Variants in TECPR2 observed in about 807,000 individuals in gnomAD.
The protein encoded by TECPR2 is tectonin beta-propeller repeat containing 2, also known as tectonin beta-propeller repeat-containing protein 2.
Under a neutral mutation model 138.1 loss-of-function variants are expected in TECPR2, and 65 were observed. The ratio of observed to expected loss-of-function variants is 0.47; its 90% CI spans 0.39 to 0.58. The LOEUF (loss-of-function observed/expected upper bound fraction) is 0.58, where lower values mean the gene tolerates loss of function less well. TECPR2 is among the 20% of genes least tolerant of loss of function. The pLI is 0.00. For missense variants in TECPR2, 1,553 were observed against 1,824.5 expected (o/e 0.85, Z 2.71); for synonymous variants, 746 against 749.8 (o/e 0.99, Z 0.08).
At chr14:102,495,536 A>G (rs1891256941) in intron 17 of TECPR2, among the ~76,000 whole-genome samples, 1 of 151,880 alleles carries the variant, frequency 6.6e-6, no homozygotes, top group African/African-American at 2.4e-5. Flanking sequence ...GCCTGTGATC[A>G]CTCTGCAAAG....
intron 11 of TECPR2, among the ~76,000 whole-genome samples, chr14:102,442,897 T>C (rs190087999): frequency 3.8e-4 from 58 of 152,326 alleles, no homozygotes; most frequent in Admixed American, 3.3e-3. Context: ...TTAGACATAC[T>C]TTATTGACAG....
At chr14:102,469,854 A>C (rs1428860171) in intron 17 of TECPR2, among the ~76,000 whole-genome samples, 1 of 152,176 alleles carries the variant, frequency 6.6e-6, no homozygotes, top group African/African-American at 2.4e-5. Flanking sequence ...TGAGATGGTC[A>C]TCTGGTTTTT....
In TECPR2 at chr14:102,498,134, C is replaced by A; in HGVS notation, c.4113C>A (p.Gly1371=). 6.2e-7 allele frequency: 1 copy of A among 1,613,376 alleles called. No homozygotes were observed. ...VTASDELWAV[G]PPGYLLQRLT... ...CGTCAGATGAGCTGTGGGCTGTGGGCCCGCCCGGCTACCTCCTCCAACGGC... is the reference window on the plus strand; with the variant it reads ...CGTCAGATGAGCTGTGGGCTGTGGGACCGCCCGGCTACCTCCTCCAACGGC... The change falls in exon 20 of 20, where the codon GGC becomes GGA. Residue 1371 remains glycine (G), a synonymous_variant. Coordinates refer to ENST00000359520, the MANE Select transcript of TECPR2 (RefSeq NM_014844.5).
chr14:102,391,982 T>TTTTG (rs761383573), intron 2 of TECPR2, among the ~76,000 whole-genome samples: 2 of 152,078 alleles, frequency 1.3e-5, no homozygotes, highest in Non-Finnish European at 2.9e-5. Flanking sequence ...TTTTGTTTGT[T>TTTTG]TTTTGTTTTG....
chr14:102,374,657 C>A (rs751549878), intron 1 of TECPR2, among the ~76,000 whole-genome samples: 1 of 152,152 alleles, frequency 6.6e-6, no homozygotes, highest in African/African-American at 2.4e-5. Context: ...TCATGAGTAG[C>A]TAGGACTACA....
In TECPR2 at chr14:102,443,777, C is replaced by G. The variant is rs774460423; in HGVS notation, c.2883C>G (p.Gly961=). 3.7e-6 allele frequency: 6 copies of G among 1,606,720 alleles called. No individual in the cohort carries two copies. In the South Asian group the frequency reaches 6.6e-5, roughly 18 times the overall value. ...TEQRALLYRE[G]VSSFCPEGEQ... ...AGAGGGCCCTCCTGTACCGGGAGGG[C>G]GTGAGCAGCTTCTGTCCGGAAGGCG... The change falls in exon 12 of 20, where the codon GGC becomes GGG. Residue 961 remains glycine (G), a synonymous_variant. Coordinates refer to ENST00000359520, the MANE Select transcript of TECPR2 (RefSeq NM_014844.5). This position sits in a 1 kb window ranked among gnomAD's most constrained non-coding sequence, Gnocchi z 4.9.
chr14:102,450,535 C>G, intron 14 of TECPR2, 25 bp from the exon 15 acceptor site: 1 of 1,611,374 alleles, frequency 6.2e-7, no homozygotes, highest in South Asian at 1.1e-5. Flanking sequence ...TTCTTTAACA[C>G]ATTCTTCCTA....
intron 9 of TECPR2, 88 bp from the exon 10 acceptor site, chr14:102,437,934 G>T: frequency 6.9e-7 from 1 of 1,455,492 alleles, no homozygotes; most frequent in Admixed American, 2.1e-5. Flanking sequence ...TCGTGTTAAT[G>T]ATATCCTCTC....
intron 16 of TECPR2, among the ~76,000 whole-genome samples, chr14:102,458,401 C>G (rs1489088946): frequency 1.3e-5 from 2 of 152,184 alleles, no homozygotes; most frequent in African/African-American, 4.8e-5. Flanking sequence ...TTCCTCAAAC[C>G]CAGCTCAGAT....
intron 16 of TECPR2, among the ~76,000 whole-genome samples, chr14:102,455,874 A>C (rs951223453): frequency 6.6e-6 from 1 of 152,092 alleles, no homozygotes; most frequent in Non-Finnish European, 1.5e-5. Flanking sequence ...CCGCCTCCCA[A>C]AGTGCTGGGA....
rs562463202 is a variant in TECPR2, at chr14:102,499,790, A to G, written c.*1533A>G. On this transcript the variant is annotated 3_prime_UTR_variant, in exon 20 of 20. Coordinates refer to ENST00000359520, the MANE Select transcript of TECPR2 (RefSeq NM_014844.5). ...CCAGGCCCAGTCCTTGGTGTCAGGG[A>G]GCCCCCAGGCCGCAGGTGGAGGGTG... The G allele has an allele frequency of 6.4e-6, 1 of 156,772 alleles. No homozygotes were observed. The highest frequency in any genetic ancestry group is 2.4e-5 in the African/African-American group (1 of 41,606). 9.7% of individuals were successfully genotyped at this position (156,772 alleles called of 1,614,324 possible). A position where few individuals can be genotyped will look rare whatever the true frequency, so the allele number is the denominator to read the frequency against.
intron 2 of TECPR2, 78 bp downstream of exon 2, chr14:102,377,018 A>G: frequency 6.9e-7 from 1 of 1,448,060 alleles, no homozygotes; most frequent in Non-Finnish European, 9.4e-7. Flanking sequence ...CTAGGATGAG[A>G]TAATTTACTT....
chr14:102,366,467 C>G (rs781771070), intron 1 of TECPR2, among the ~76,000 whole-genome samples: 2 of 152,206 alleles, frequency 1.3e-5, no homozygotes, highest in Non-Finnish European at 2.9e-5. Flanking sequence ...CTGCCTCAGC[C>G]TCCCAAGTAG....
rs1375268962 is a variant in TECPR2 at position 102,501,586 on chromosome 14, A to G, written c.*3329A>G. The G allele has an allele frequency of 6.6e-6, 1 of 152,194 alleles. No individual in the cohort carries two copies. 9.4% of individuals were successfully genotyped at this position (152,194 alleles called of 1,614,324 possible). A position where few individuals can be genotyped will look rare whatever the true frequency, so the allele number is the denominator to read the frequency against. ...AGGAAATAAATGTAAAAATGCTGCA[A>G]ATTAAAAACCTCAAAGAAGGGAAAT... On this transcript the variant is annotated 3_prime_UTR_variant, in exon 20 of 20. Transcript: ENST00000359520.
intron 16 of TECPR2, among the ~76,000 whole-genome samples, chr14:102,461,532 A>C (rs941468253): frequency 1.5e-4 from 23 of 152,206 alleles, no homozygotes; most frequent in African/African-American, 5.5e-4. Context: ...CAAGAGAAAA[A>C]AATAAGGACA....
chr14:102,405,002 T>C (rs1483830211), intron 2 of TECPR2, among the ~76,000 whole-genome samples: 2 of 151,702 alleles, frequency 1.3e-5, no homozygotes, highest in African/African-American at 4.8e-5. Context: ...TACCTAATAC[T>C]ACATTCAAAA....
intron 7 of TECPR2, among the ~76,000 whole-genome samples, chr14:102,431,453 C>T (rs1889472904): frequency 6.6e-6 from 1 of 151,610 alleles, no homozygotes; most frequent in Non-Finnish European, 1.5e-5. Flanking sequence ...CACCATTCTC[C>T]TGCCTCAGCC....
Position 102,438,223 on chromosome 14 carries a change from CT to C in TECPR2, c.2578+19del. 2 of 868,224 alleles carry C rather than the reference CT, an allele frequency of 2.3e-6. No individual in the cohort carries two copies. Among genetic ancestry groups the C allele is most frequent in the South Asian group, 4.3e-5 (2 of 46,936 alleles). 53.8% of individuals were successfully genotyped at this position (868,224 alleles called of 1,614,324 possible). On this transcript the variant is annotated intron_variant, in intron 10 of 19. Transcript: ENST00000359520. ...GCCCTCAGGTTCGCCTCCCCGCTCCCTGCTCCCGCTCCCTGCTCCCGCTCGC... is the reference window on the plus strand; with the variant it reads ...GCCCTCAGGTTCGCCTCCCCGCTCCCGCTCCCGCTCCCTGCTCCCGCTCGC...
At position 102,376,918 on chromosome 14, in the gene TECPR2, A is replaced by G. The variant is rs757046582; in HGVS notation, c.197A>G (p.Gln66Arg). ...TATCTGTACTGCCGGCACCTCAACC[A>G]GATGAGGAAGTACAACTTTGAGGTG... Reference protein sequence around the residue: ...MLYLYCRHLNQMRKYNFEGKT... With the variant: ...MLYLYCRHLNRMRKYNFEGKT... Residue 66 changes from glutamine (Q) to arginine (R), a missense_variant, in exon 2 of 20, where the codon CAG (glutamine) becomes CGG (arginine). Coordinates refer to ENST00000359520, the MANE Select transcript of TECPR2 (RefSeq NM_014844.5). 1.2e-6 allele frequency: 2 copies of G among 1,613,936 alleles called. No individual in the cohort carries two copies. Among genetic ancestry groups the G allele is most frequent in the East Asian group, 2.2e-5 (1 of 44,870 alleles).
Sources: allele counts gnomAD v4.1 joint callset (sites outside exome capture counted in the v4.1 genomes callset), GRCh38; gene constraint gnomAD v4.1.1; non-coding constraint Gnocchi (gnomAD v3.1); transcripts MANE v1.5; gene names NCBI Gene and HGNC (gene_info 2026-07-23, HGNC 2026-07-21).